Variants in ARFGAP1 observed in about 807,000 individuals in gnomAD.
ARFGAP1 encodes the protein ADP-ribosylation factor GTPase-activating protein 1.
ARFGAP1 carries 26 observed loss-of-function variants against 54.0 expected under a neutral mutation model. That is an observed-to-expected ratio of 0.48 (90% CI 0.35 to 0.67). The LOEUF (loss-of-function observed/expected upper bound fraction) is 0.67. ARFGAP1 is among the 30% of genes least tolerant of loss of function. ARFGAP1 has a pLI of 0.00. For synonymous variants in ARFGAP1, 248 were observed against 211.9 expected (o/e 1.17, Z -1.48); for missense variants, 525 against 535.8 (o/e 0.98, Z 0.20).
intron 1 of ARFGAP1, chr20:63,273,559 C>T (rs867516835): frequency 6.6e-6 from 1 of 152,372 alleles, no homozygotes; most frequent in Middle Eastern, 3.4e-3. Flanking sequence ...TTTCAGGGAA[C>T]TAGGGCTCTT....
intron 12 of ARFGAP1, 120 bp from the exon 13 acceptor site, chr20:63,287,444 C>A (rs4809282): frequency 5.4e-5 from 50 of 917,520 alleles, no homozygotes; most frequent in Non-Finnish European, 3.2e-6. Flanking sequence ...CTGCTGTGGA[C>A]CCTGAGCGCT....
At chr20:63,287,056 T>G (rs1340382364) in intron 12 of ARFGAP1, among the ~76,000 whole-genome samples, 1 of 152,274 alleles carries the variant, frequency 6.6e-6, no homozygotes, top group Non-Finnish European at 1.5e-5. Flanking sequence ...CCAGCCCTGG[T>G]GGGCACAGAT....
At chr20:63,285,432 C>T (rs964466840) in intron 10 of ARFGAP1, 6 of 596,904 alleles carry the variant, frequency 1.0e-5, no homozygotes, top group Admixed American at 9.0e-5. Context: ...CAGCAGTGGC[C>T]GGCAGGGGCC....
At chr20:63,286,119 A>G in intron 11 of ARFGAP1, 6 of 1,550,164 alleles carry the variant, frequency 3.9e-6, no homozygotes, top group Non-Finnish European at 5.2e-6. Context: ...CCCCCCAAGC[A>G]TGTGGTGGGA....
intron 9 of ARFGAP1, chr20:63,284,212 G>T: frequency 8.0e-7 from 1 of 1,251,706 alleles, no homozygotes; most frequent in Non-Finnish European, 1.0e-6. Flanking sequence ...GCGCAGAGCT[G>T]CTGAGCAGGG....
At chr20:63,286,338 C>A in intron 11 of ARFGAP1, 28 bp from the exon 12 acceptor site, 1 of 1,611,576 alleles carries the variant, frequency 6.2e-7, no homozygotes, top group Non-Finnish European at 8.5e-7. Flanking sequence ...ACAGGGCCTG[C>A]CTAACCTCTC....
In ARFGAP1 at chr20:63,287,774, GAACAGC is replaced by G; in HGVS notation, c.1129_1134del (p.Asn377_Ser378del). 2 of 1,568,804 alleles carry G rather than the reference GAACAGC, an allele frequency of 1.3e-6. No individual in the cohort carries two copies. Among genetic ancestry groups the G allele is most frequent in the South Asian group, 1.1e-5 (1 of 89,948 alleles). On this transcript the variant is annotated inframe_deletion, in exon 13 of 13. Coordinates refer to ENST00000370283, the MANE Select transcript of ARFGAP1 (RefSeq NM_018209.4). Reference sequence around the variant, plus strand: ...TGTGGGGCTCGGCCTCCACCAACAGGAACAGCAACAGCGACGGCGGGGAGGGCGGGG... The same window carrying G: ...TGTGGGGCTCGGCCTCCACCAACAGGAACAGCGACGGCGGGGAGGGCGGGG...
At position 63,276,074 on chromosome 20, in the gene ARFGAP1, T is replaced by C; in HGVS notation, c.61-17T>C. On this transcript the variant is annotated splice_polypyrimidine_tract_variant and intron_variant, in intron 2 of 12. Coordinates refer to ENST00000370283, the MANE Select transcript of ARFGAP1 (RefSeq NM_018209.4). The surrounding 1 kb of genome is among the most constrained non-coding windows in gnomAD (Gnocchi z 5.2). ...TGCCCTGAGCCACCTGGTGAGTCACTTGTGGCCCCTTTGCAGGTTTGTTTT... is the reference window on the plus strand; with the variant it reads ...TGCCCTGAGCCACCTGGTGAGTCACCTGTGGCCCCTTTGCAGGTTTGTTTT... The C allele has an allele frequency of 2.5e-6, 4 of 1,611,746 alleles. No individual in the cohort carries two copies. In the South Asian group the frequency reaches 3.3e-5, roughly 13 times the overall value.
intron 1 of ARFGAP1, chr20:63,273,637 A>G (rs2067159345): frequency 6.6e-6 from 1 of 151,536 alleles, no homozygotes; most frequent in Non-Finnish European, 1.5e-5. Flanking sequence ...CTTTTTACAC[A>G]CTCTCTCCCT....
chr20:63,283,715 GGT>G, intron 9 of ARFGAP1: 1 of 898,664 alleles, frequency 1.1e-6, no homozygotes, highest in Non-Finnish European at 1.7e-6. Context: ...GCTGCTCCAG[GGT>G]TGTGTTGCTG....
At chr20:63,286,943 A>C (rs1190658658) in intron 12 of ARFGAP1, 2 of 164,584 alleles carry the variant, frequency 1.2e-5, no homozygotes, top group Non-Finnish European at 2.7e-5. Context: ...TTGGCACCCC[A>C]GTCGCTTCTG....
chr20:63,278,310 G>A, intron 6 of ARFGAP1, 107 bp downstream of exon 6: 1 of 1,186,832 alleles, frequency 8.4e-7, no homozygotes, highest in Non-Finnish European at 1.2e-6. Context: ...GTGGGTGTGG[G>A]ACCCAGGCAT....
At position 63,281,303 on chromosome 20, in the gene ARFGAP1, T is replaced by C; in HGVS notation, c.640T>C (p.Phe214Leu). ...TCGCCTCCCTCAGGGCTGGAGCAGCTTCACCACTGGAGCCAGCCGGTTTGC... is the reference window on the plus strand; with the variant it reads ...TCGCCTCCCTCAGGGCTGGAGCAGCCTCACCACTGGAGCCAGCCGGTTTGC... ...MSSLYSGWSS[F>L]TTGASRFASA... Residue 214 changes from phenylalanine (F) to leucine (L), a missense_variant, in exon 8 of 13, where the codon TTC becomes CTC. By Grantham distance (22) the Phe-to-Leu change is conservative (BLOSUM62 0). Transcript: ENST00000370283. 6.2e-7 allele frequency: 1 copy of C among 1,602,488 alleles called. No individual in the cohort carries two copies. The highest frequency in any genetic ancestry group is 8.5e-7 in the Non-Finnish European group (1 of 1,177,562).
At chr20:63,285,155 C>G (rs1409374090) in intron 10 of ARFGAP1, among the ~76,000 whole-genome samples, 1 of 152,064 alleles carries the variant, frequency 6.6e-6, no homozygotes, top group Non-Finnish European at 1.5e-5. Context: ...CAGCCCAGCA[C>G]CCCCAGCCCA....
intron 4 of ARFGAP1, 129 bp from the exon 5 acceptor site, chr20:63,277,076 G>A (rs1814466510): frequency 2.8e-6 from 2 of 715,506 alleles, no homozygotes; most frequent in Admixed American, 2.6e-5. Context: ...GGGCCGTCGA[G>A]GGGGCCGGGA....
Position 63,278,920 on chromosome 20 carries a change from G to A in ARFGAP1, c.552G>A (p.Val184=), listed in dbSNP as rs1360506146. ...SYQGAQGNRY[V]GFGNTPPPQK... is the part of the protein sequence containing the mutation. ...TCAGGGCCCAGGGGAATCGCTACGT[G>A]GGGTTTGGGAACACGCCACCGCCTC... The change falls in exon 7 of 13, where the codon GTG becomes GTA. Residue 184 remains valine, a synonymous_variant. Transcript: ENST00000370283. The A allele has an allele frequency of 6.2e-7, 1 of 1,614,034 alleles. No individual in the cohort carries two copies. The highest frequency in any genetic ancestry group is 8.5e-7 in the Non-Finnish European group (1 of 1,180,032).
chr20:63,286,052 T>A, intron 11 of ARFGAP1: 7 of 1,549,508 alleles, frequency 4.5e-6, no homozygotes, highest in South Asian at 1.2e-5. Flanking sequence ...TTGTCCTGTT[T>A]CCTGGCATGA....
At chr20:63,285,492 A>G in intron 10 of ARFGAP1, 162 bp from the exon 11 acceptor site, 1 of 713,520 alleles carries the variant, frequency 1.4e-6, no homozygotes, top group South Asian at 1.8e-5. Context: ...TGATGCTGGA[A>G]TCCCTTTGGG....
intron 1 of ARFGAP1, 26 bp from the exon 2 acceptor site, chr20:63,275,551 A>G (rs1568729507): frequency 1.2e-6 from 2 of 1,610,124 alleles, no homozygotes; most frequent in Admixed American, 3.3e-5. Flanking sequence ...TTGTAAGTTT[A>G]AAGTGTTTAT....
Sources: allele counts gnomAD v4.1 joint callset (sites outside exome capture counted in the v4.1 genomes callset), GRCh38; gene constraint gnomAD v4.1.1; non-coding constraint Gnocchi (gnomAD v3.1); transcripts MANE v1.5; gene names NCBI Gene and HGNC (gene_info 2026-07-23, HGNC 2026-07-21).